MARCHF1: variants seen among roughly 807,000 people sequenced by gnomAD.
The protein encoded by MARCHF1 is membrane associated ring-CH-type finger 1.
Under a neutral mutation model 54.2 loss-of-function variants are expected in MARCHF1, and 40 were observed. The ratio of observed to expected loss-of-function variants is 0.74; its 90% CI spans 0.57 to 0.96. The LOEUF is 0.96. MARCHF1 is among the 40% of genes least tolerant of loss of function. The probability of loss-of-function intolerance (pLI) is 0.00; values close to 1 mark genes in which losing one functional copy is unlikely to be tolerated. For synonymous variants in MARCHF1, 236 were observed against 236.3 expected, an observed-to-expected ratio of 1.00 and a Z score of 0.01; for missense variants, 586 against 656.5, an observed-to-expected ratio of 0.89 and a Z score of 1.17.
chr4:163,606,339 G>A (rs1217123428), intron 7 of MARCHF1, among the ~76,000 whole-genome samples: 3 of 152,126 alleles, frequency 2.0e-5, no homozygotes, highest in Non-Finnish European at 4.4e-5. Context: ...GTCTGTTTGA[G>A]CACTGCCTGA....
intron 4 of MARCHF1, among the ~76,000 whole-genome samples, chr4:163,746,421 T>G (rs60782838): frequency 6.6e-6 from 1 of 152,342 alleles, no homozygotes; most frequent in East Asian, 1.9e-4. Context: ...CGGGGACATT[T>G]GGTGGCTTCT....
At chr4:163,733,238 T>TATATAC (rs1561047148) in intron 4 of MARCHF1, among the ~76,000 whole-genome samples, 2 of 56,842 alleles carry the variant, frequency 3.5e-5, no homozygotes, top group African/African-American at 5.4e-5. Context: ...TATATATATA[T>TATATAC]ATACACGTGT....
chr4:163,828,685 G>C (rs1579319590), intron 4 of MARCHF1: 1 of 152,086 alleles, frequency 6.6e-6, no homozygotes, highest in East Asian at 1.9e-4. Flanking sequence ...AAAATTGTTG[G>C]TTGGCAAAAC....
At chr4:164,267,171 A>G (rs117247081) in intron 1 of MARCHF1, among the ~76,000 whole-genome samples, 6,069 of 152,272 alleles carry the variant, frequency 0.04, 230 homozygotes, top group East Asian at 0.16. Flanking sequence ...AAGATAGCAC[A>G]TTTGAAGGCC....
chr4:163,653,989 G>T (rs1743056908), intron 5 of MARCHF1, among the ~76,000 whole-genome samples: 1 of 151,770 alleles, frequency 6.6e-6, no homozygotes, highest in South Asian at 2.1e-4. Context: ...AATGCACTCT[G>T]ATATTAGAGT....
At chr4:164,063,215 C>G (rs1378732877) in intron 2 of MARCHF1, among the ~76,000 whole-genome samples, 4 of 152,134 alleles carry the variant, frequency 2.6e-5, no homozygotes, top group Non-Finnish European at 4.4e-5. Context: ...CTGCATTAGC[C>G]CCTAATAACA....
At chr4:163,977,250 T>C (rs1435570809) in intron 3 of MARCHF1, among the ~76,000 whole-genome samples, 2 of 152,090 alleles carry the variant, frequency 1.3e-5, no homozygotes, top group Admixed American at 6.6e-5. Context: ...AGGAAAATTA[T>C]CTGTAAATGC....
chr4:163,876,447 A>T (rs1480790675), intron 3 of MARCHF1, among the ~76,000 whole-genome samples: 6 of 152,088 alleles, frequency 3.9e-5, no homozygotes, highest in African/African-American at 1.2e-4. Flanking sequence ...CTTCCCTCCA[A>T]CTACTTCCAC....
chr4:164,078,818 T>C (rs1755032606), intron 2 of MARCHF1, among the ~76,000 whole-genome samples: 1 of 152,110 alleles, frequency 6.6e-6, no homozygotes, highest in Non-Finnish European at 1.5e-5. Context: ...TACCTAATGT[T>C]AAATGAAGAG....
chr4:163,595,729 T>G (rs1463346814), intron 7 of MARCHF1, among the ~76,000 whole-genome samples: 1 of 151,984 alleles, frequency 6.6e-6, no homozygotes. Context: ...GGGAGTAGAA[T>G]AGTGGCTGCC....
At chr4:164,344,927 C>T (rs1310868567) in intron 1 of MARCHF1, among the ~76,000 whole-genome samples, 1 of 152,160 alleles carries the variant, frequency 6.6e-6, no homozygotes, top group African/African-American at 2.4e-5. Context: ...TCAATTCATT[C>T]ATAGGCTCAT....
intron 7 of MARCHF1, among the ~76,000 whole-genome samples, chr4:163,594,486 G>C (rs1275944086): frequency 2.6e-5 from 4 of 151,562 alleles, no homozygotes; most frequent in Non-Finnish European, 5.9e-5. Flanking sequence ...CCCTCAACCA[G>C]TGCCAATACA....
At chr4:164,302,266 T>A (rs954861417) in intron 1 of MARCHF1, among the ~76,000 whole-genome samples, 4 of 152,200 alleles carry the variant, frequency 2.6e-5, no homozygotes, top group Non-Finnish European at 5.9e-5. Flanking sequence ...GGGCTTCTTA[T>A]GGGCTATTTT....
intron 3 of MARCHF1, among the ~76,000 whole-genome samples, chr4:163,911,437 T>C (rs1053754757): frequency 6.6e-6 from 1 of 152,198 alleles, no homozygotes; most frequent in African/African-American, 2.4e-5. Flanking sequence ...TCAGTATTAC[T>C]GAGGAGAAAA....
At chr4:163,605,313 A>C (rs538341571) in intron 7 of MARCHF1, among the ~76,000 whole-genome samples, 2 of 152,260 alleles carry the variant, frequency 1.3e-5, no homozygotes, top group East Asian at 1.9e-4. Context: ...AAAAGCTCAT[A>C]ATCACTGGTC....
At chr4:163,718,949 C>T (rs1745351955) in intron 4 of MARCHF1, among the ~76,000 whole-genome samples, 1 of 152,176 alleles carries the variant, frequency 6.6e-6, no homozygotes, top group South Asian at 2.1e-4. Context: ...TCACTTTCTA[C>T]ATGAAATATT....
chr4:163,718,132 A>G (rs915649324), intron 4 of MARCHF1, among the ~76,000 whole-genome samples: 5 of 152,162 alleles, frequency 3.3e-5, no homozygotes, highest in South Asian at 2.1e-4. Context: ...CCTTCCTTAC[A>G]TCTTACACAA....
intron 1 of MARCHF1, among the ~76,000 whole-genome samples, chr4:164,222,106 T>A (rs1182115582): frequency 6.6e-6 from 1 of 152,212 alleles, no homozygotes; most frequent in African/African-American, 2.4e-5. Context: ...AAATTTTTTC[T>A]AAGTGCCTTT....
At position 163,634,455 on chromosome 4, in the gene MARCHF1, T is replaced by G. The variant is rs1460655837; in HGVS notation, c.163-21062A>C. 7.4e-3 allele frequency among the ~76,000 whole-genome samples: 1,078 copies of G among 144,792 alleles called. 11 individuals carry two copies. The highest frequency in any genetic ancestry group is 0.026 in the African/African-American group (1,013 of 38,402). 95.0% of individuals were successfully genotyped at this position (144,792 alleles called of 152,430 possible). A position where few individuals can be genotyped will look rare whatever the true frequency, so the allele number is the denominator to read the frequency against. ...AGGCAGGGGTTGCAATCCTAGTCTC[T>G]GATAAAACAGACTTTAAACCAACAA... On this transcript the variant is annotated intron_variant, in intron 5 of 9. Coordinates refer to ENST00000514618, the MANE Select transcript of MARCHF1 (RefSeq NM_001394959.1).
Sources: allele counts gnomAD v4.1 joint callset (sites outside exome capture counted in the v4.1 genomes callset), GRCh38; gene constraint gnomAD v4.1.1; transcripts MANE v1.5; gene names NCBI Gene and HGNC (gene_info 2026-07-23, HGNC 2026-07-21).